Variants in RNF123 observed in about 807,000 individuals in gnomAD.
The protein encoded by RNF123 is E3 ubiquitin-protein ligase RNF123.
In RNF123, 86 loss-of-function variants were observed where a neutral mutation model predicts 168.5. That is an observed-to-expected ratio of 0.51 (90% CI 0.43 to 0.61). The LOEUF is 0.61. Among genes scored for constraint, RNF123 ranks in the 20% least tolerant of loss-of-function variants. RNF123 has a pLI of 0.00. For synonymous variants in RNF123, 666 were observed against 689.1 expected, an observed-to-expected ratio of 0.97 and a Z score of 0.52; for missense variants, 1,419 against 1,729.7, an observed-to-expected ratio of 0.82 and a Z score of 3.19.
In RNF123 at chr3:49,701,607, A is replaced by G. The variant is rs756328897; in HGVS notation, c.1394A>G (p.Glu465Gly). The change falls in exon 16 of 39, where the codon GAG becomes GGG. Residue 465 changes from glutamate to glycine, a missense_variant and splice_region_variant. Physicochemically the swap from Glu to Gly is moderately conservative, Grantham distance 98 (BLOSUM62 -2). This residue lies in a region of RNF123 where 349 missense variants were observed against 344.9 expected (regional missense o/e 1.01). Transcript: ENST00000327697. ...TTWWPHCSSREGKESTEMKEE... is the reference protein window; with the variant it reads ...TTWWPHCSSRGGKESTEMKEE... Reference sequence around the variant, plus strand: ...TGGTGGCCCCACTGCTCCAGTAGGGAGGTGAGTGCACCCCAAGTGGGATGG... The same window carrying G: ...TGGTGGCCCCACTGCTCCAGTAGGGGGGTGAGTGCACCCCAAGTGGGATGG... The G allele has an allele frequency of 9.3e-6, 15 of 1,610,486 alleles. 1 individual carries two copies. In the South Asian group the frequency reaches 1.6e-4, roughly 18 times the overall value.
rs1575523112 is a variant in RNF123, at chr3:49,698,909, C to T, written c.639-71C>T. ...TTCCTGGGCCCTGTAAGGGGCCAGACTGAGTTTGATAGCCTGAGGGTGGGC... is the reference window on the plus strand; with the variant it reads ...TTCCTGGGCCCTGTAAGGGGCCAGATTGAGTTTGATAGCCTGAGGGTGGGC... On this transcript the variant is annotated intron_variant, in intron 9 of 38. Transcript: ENST00000327697. 1.9e-6 allele frequency: 3 copies of T among 1,606,996 alleles called. No individual in the cohort carries two copies. The Admixed American group carries it at 5.1e-5, about 27-fold the overall frequency.
chr3:49,706,194 T>G, intron 25 of RNF123, 129 bp downstream of exon 25: 1 of 815,684 alleles, frequency 1.2e-6, no homozygotes, highest in Non-Finnish European at 2.0e-6. Context: ...AGCACGCCAG[T>G]GAGAGTGGGG....
At chr3:49,705,232 G>T (rs756477801) in intron 23 of RNF123, 50 bp downstream of exon 23, 2 of 1,552,594 alleles carry the variant, frequency 1.3e-6, no homozygotes, top group South Asian at 2.4e-5. Context: ...CTTCCACAGT[G>T]TACAGTCCCC....
At chr3:49,694,616 G>A (rs2054231598) in intron 3 of RNF123, among the ~76,000 whole-genome samples, 1 of 152,216 alleles carries the variant, frequency 6.6e-6, no homozygotes, top group Admixed American at 6.5e-5. Flanking sequence ...CTGCAGTGAG[G>A]CACGGTTGTC....
At chr3:49,713,615 G>A (rs770612439) in intron 28 of RNF123, 28 bp downstream of exon 28, 2 of 1,605,452 alleles carry the variant, frequency 1.2e-6, no homozygotes, top group African/African-American at 1.3e-5. Flanking sequence ...AGGGTACAGG[G>A]GGAGGGGGAT....
chr3:49,706,820 G>A lies in RNF123; in HGVS notation c.2418G>A (p.Lys806=). Residue 806 remains lysine, a synonymous_variant, in exon 26 of 39, where the codon AAG becomes AAA. Transcript: ENST00000327697. ...AGGACATCCTTGCAGAGTTGACCAAGAGCCAGAAGGTTTTCTCAGAAAAGC... is the reference window on the plus strand; with the variant it reads ...AGGACATCCTTGCAGAGTTGACCAAAAGCCAGAAGGTTTTCTCAGAAAAGC... ...RRKDILAELT[K]SQKVFSEKLD... The A allele has an allele frequency of 6.2e-7, 1 of 1,614,216 alleles. No individual in the cohort carries two copies. Among genetic ancestry groups the A allele is most frequent in the South Asian group, 1.1e-5 (1 of 91,088 alleles).
In RNF123 at chr3:49,713,445, C is replaced by T. The variant is rs964845431; in HGVS notation, c.2675-68C>T. ...AGAGCCTGCTACCCAAGTCCACCCACCCTGCTGACATGCCTGCCTCTGGAG... is the reference window on the plus strand; with the variant it reads ...AGAGCCTGCTACCCAAGTCCACCCATCCTGCTGACATGCCTGCCTCTGGAG... On this transcript the variant is annotated intron_variant, in intron 27 of 38. Transcript: ENST00000327697. 69 of 1,477,846 alleles carry T rather than the reference C, an allele frequency of 4.7e-5. 1 individual carries two copies. In the South Asian group the frequency reaches 8.3e-4, roughly 18 times the overall value. The allele number at this position is 1,477,846 out of a possible 1,614,324, so 91.5% of individuals were successfully genotyped here. A position where few individuals can be genotyped will look rare whatever the true frequency, so the allele number is the denominator to read the frequency against.
At position 49,698,115 on chromosome 3, in the gene RNF123, T is replaced by G; in HGVS notation, c.461T>G (p.Ile154Ser). The G allele has an allele frequency of 6.2e-7, 1 of 1,613,616 alleles. No homozygotes were observed. Among genetic ancestry groups the G allele is most frequent in the Non-Finnish European group, 8.5e-7 (1 of 1,179,838 alleles). The change falls in exon 7 of 39, where the codon ATC becomes AGC. Residue 154 changes from isoleucine to serine, a missense_variant. By Grantham distance (142) the Ile-to-Ser change is moderately radical. Around this residue, in one of 5 missense-constraint regions of RNF123, gnomAD observed 318 missense variants for 446.6 expected, o/e 0.71. Coordinates refer to ENST00000327697, the MANE Select transcript of RNF123 (RefSeq NM_022064.5). Reference protein sequence around the residue: ...QGLMQIGWCTISCRFNQEEGV... With the variant: ...QGLMQIGWCTSSCRFNQEEGV... ...CTCATGCAGATCGGCTGGTGCACCA[T>G]CAGCTGCCGCTTCAACCAGGAGGTA... is the stretch of plus-strand genomic sequence containing the variant.
chr3:49,697,886 TGA>T lies in RNF123; in HGVS notation c.345_346del (p.Ile116TrpfsTer58), dbSNP rs750077480. On this transcript the variant is annotated frameshift_variant and splice_region_variant, in exon 6 of 39. Transcript: ENST00000327697. LOFTEE classifies it high-confidence loss of function. ...CCACCACCCCTCTTCTTCACCCAGG[TGA>T]TTGGACACAGCAACTTTGGCACCAT... 1 of 1,614,088 alleles carries T rather than the reference TGA, an allele frequency of 6.2e-7. No individual in the cohort carries two copies. Among genetic ancestry groups the T allele is most frequent in the Non-Finnish European group, 8.5e-7 (1 of 1,180,026 alleles).
rs967993434 is a variant in RNF123 at position 49,714,345 on chromosome 3, C to G, written c.3010+171C>G. Among the ~76,000 whole-genome samples the G allele has an allele frequency of 4.6e-5, 7 of 152,196 alleles. No individual in the cohort carries two copies. The South Asian group carries it at 1.4e-3, about 31-fold the overall frequency. On this transcript the variant is annotated intron_variant, in intron 31 of 38. Transcript: ENST00000327697. ...TTCCACTTTCCCTGCTTCCTTCCAG[C>G]CCAAGGATACTCGGGATGGGACTCC...
chr3:49,718,767 G>C (rs745916019), intron 35 of RNF123: 3 of 1,613,302 alleles, frequency 1.9e-6, no homozygotes, highest in Non-Finnish European at 2.5e-6. Flanking sequence ...GCTGGTGCCA[G>C]CGCTGTAGCA....
chr3:49,711,109 C>A (rs1215355185), intron 26 of RNF123, among the ~76,000 whole-genome samples: 3 of 151,972 alleles, frequency 2.0e-5, no homozygotes, highest in African/African-American at 7.3e-5. Flanking sequence ...ACCTGTAGTC[C>A]CAGCTACTCT....
chr3:49,698,221 A>G, intron 7 of RNF123, 84 bp downstream of exon 7: 1 of 1,277,578 alleles, frequency 7.8e-7, no homozygotes, highest in East Asian at 2.4e-5. Context: ...AGATCCCCTC[A>G]GAACTGCCTA....
chr3:49,696,295 A>G (rs922475844), intron 3 of RNF123, among the ~76,000 whole-genome samples: 1 of 152,012 alleles, frequency 6.6e-6, no homozygotes, highest in Non-Finnish European at 1.5e-5. Context: ...CATCTCTAAC[A>G]TAAGTCACTA....
In RNF123 at chr3:49,714,144, C is replaced by A; in HGVS notation, c.2980C>A (p.Leu994Ile). 6.2e-7 allele frequency: 1 copy of A among 1,614,190 alleles called. No homozygotes were observed. The highest frequency in any genetic ancestry group is 1.1e-5 in the South Asian group (1 of 91,088). The change falls in exon 31 of 39, where the codon CTT becomes ATT. Residue 994 changes from leucine (L) to isoleucine (I), a missense_variant. Physicochemically the swap from Leu to Ile is conservative, Grantham distance 5. Transcript: ENST00000327697. Reference protein sequence around the residue: ...TRLPHLLKTKLEDANLPSLQK... With the variant: ...TRLPHLLKTKIEDANLPSLQK... ...GCTGCCACATCTGCTGAAAACCAAA[C>A]TTGAGGACGCCAATTTGCCCAGCCT...
rs2080331125 is a variant in RNF123 at position 49,719,271 on chromosome 3, G to A, written c.3501-1240G>A. ...GGAGCGCGTTGTGGCTCAGGTCGAGGTCCGCAGTAGCGGCAGGTAACTCGG... is the reference window on the plus strand; with the variant it reads ...GGAGCGCGTTGTGGCTCAGGTCGAGATCCGCAGTAGCGGCAGGTAACTCGG... On this transcript the variant is annotated intron_variant, in intron 35 of 38. Coordinates refer to ENST00000327697, the MANE Select transcript of RNF123 (RefSeq NM_022064.5). 1.9e-6 allele frequency: 3 copies of A among 1,613,444 alleles called. No individual in the cohort carries two copies. In the East Asian group the frequency reaches 6.7e-5, roughly 36 times the overall value.
At position 49,698,157 on chromosome 3, in the gene RNF123, C is replaced by T; in HGVS notation, c.483+20C>T. On this transcript the variant is annotated intron_variant, in intron 7 of 38. Transcript: ENST00000327697. ...CAGGAGGTACACGTTGGGGAGGGGA[C>T]CCCTCCCTGGGCCCAGGGAGAGCTT... 6.2e-7 allele frequency: 1 copy of T among 1,606,518 alleles called. No homozygotes were observed. The highest frequency in any genetic ancestry group is 8.5e-7 in the Non-Finnish European group (1 of 1,173,808).
At chr3:49,708,706 C>T (rs1165446423) in intron 26 of RNF123, among the ~76,000 whole-genome samples, 1 of 152,180 alleles carries the variant, frequency 6.6e-6, no homozygotes, top group African/African-American at 2.4e-5. Context: ...AAGGTTCATT[C>T]GTGTTATAGC....
At position 49,705,591 on chromosome 3, in the gene RNF123, A is replaced by G. The variant is rs141658855; in HGVS notation, c.2216A>G (p.Glu739Gly). The G allele has an allele frequency of 1.1e-5, 17 of 1,612,920 alleles. No individual in the cohort carries two copies. In the African/African-American group the frequency reaches 2.0e-4, roughly 19 times the overall value. The change falls in exon 24 of 39, where the codon GAG (glutamate) becomes GGG (glycine). Residue 739 changes from glutamate to glycine, a missense_variant. By Grantham distance (98) the Glu-to-Gly change is moderately conservative. Coordinates refer to ENST00000327697, the MANE Select transcript of RNF123 (RefSeq NM_022064.5). ...CTGGGGCGGCCCCCCGAGGAGCCTGAGCAGCCCCTCACCGAGAACTCGCTG... is the reference window on the plus strand; with the variant it reads ...CTGGGGCGGCCCCCCGAGGAGCCTGGGCAGCCCCTCACCGAGAACTCGCTG... ...LLLGRPPEEP[E>G]QPLTENSLLE...
Sources: allele counts gnomAD v4.1 joint callset (sites outside exome capture counted in the v4.1 genomes callset), GRCh38; gene constraint gnomAD v4.1.1; regional missense constraint gnomAD v4.1.1; transcripts MANE v1.5; gene names NCBI Gene and HGNC (gene_info 2026-07-23, HGNC 2026-07-21).